The following NDST3 variants were observed in gnomAD, a reference collection of about 807,000 sequenced individuals.
NDST3 encodes the protein N-deacetylase and N-sulfotransferase 3.
NDST3 carries 58 observed loss-of-function variants against 96.1 expected under a neutral mutation model. That is an observed-to-expected ratio of 0.60 (90% confidence interval 0.49 to 0.75). NDST3 has a LOEUF of 0.75. Ranked by LOEUF, NDST3 falls within the 30% of genes least tolerant of loss-of-function variation. The pLI, the probability that NDST3 is intolerant of heterozygous loss-of-function variation, is 0.00. For synonymous variants in NDST3, 333 were observed against 359.7 expected, an observed-to-expected ratio of 0.93 and a Z score of 0.84; for missense variants, 788 against 1,034.2, an observed-to-expected ratio of 0.76 and a Z score of 3.27.
intron 2 of NDST3, among the ~76,000 whole-genome samples, chr4:118,095,595 T>A (rs572206540): frequency 1.3e-5 from 2 of 151,792 alleles, no homozygotes; most frequent in South Asian, 2.1e-4. Context: ...AATTCACTTA[T>A]GTAAAATTAA....
intron 2 of NDST3, among the ~76,000 whole-genome samples, chr4:118,079,352 C>A (rs1727828201): frequency 6.6e-6 from 1 of 152,154 alleles, no homozygotes; most frequent in South Asian, 2.1e-4. Flanking sequence ...AAGGGGAATG[C>A]TGATTTAGAG....
intron 3 of NDST3, among the ~76,000 whole-genome samples, chr4:118,110,831 G>A (rs1443463170): frequency 6.6e-6 from 1 of 151,954 alleles, no homozygotes; most frequent in Non-Finnish European, 1.5e-5. Context: ...TCCAAAGAAA[G>A]AAAATCATTA....
intron 6 of NDST3, among the ~76,000 whole-genome samples, chr4:118,158,580 A>G (rs575121149): frequency 1.3e-5 from 2 of 152,378 alleles, no homozygotes; most frequent in African/African-American, 4.8e-5. Flanking sequence ...TTGAAAAAAG[A>G]AACATCAATA....
chr4:118,042,397 T>G (rs1001818253), intron 1 of NDST3, among the ~76,000 whole-genome samples: 13 of 152,158 alleles, frequency 8.5e-5, no homozygotes, highest in African/African-American at 2.9e-4. Context: ...AGCAGCCCCT[T>G]AGCTGGGACT....
At chr4:118,196,627 T>C (rs1346865202) in intron 6 of NDST3, among the ~76,000 whole-genome samples, 3 of 152,170 alleles carry the variant, frequency 2.0e-5, no homozygotes, top group Non-Finnish European at 2.9e-5. Context: ...TTCCAATTTT[T>C]TGGCATACAG....
chr4:118,188,795 C>T (rs1371342484), intron 6 of NDST3, among the ~76,000 whole-genome samples: 3 of 152,004 alleles, frequency 2.0e-5, no homozygotes, highest in African/African-American at 4.8e-5. Flanking sequence ...CTTTCATGAA[C>T]CTCCTTAAAA....
At chr4:118,196,779 T>TA (rs1420047205) in intron 6 of NDST3, among the ~76,000 whole-genome samples, 1 of 151,900 alleles carries the variant, frequency 6.6e-6, no homozygotes, top group Non-Finnish European at 1.5e-5. Flanking sequence ...TCTTTATCTT[T>TA]AAAAAAACTT....
intron 9 of NDST3, among the ~76,000 whole-genome samples, chr4:118,234,545 C>T (rs954087874): frequency 2.0e-5 from 3 of 151,888 alleles, no homozygotes; most frequent in African/African-American, 4.8e-5. Context: ...ATAAAAACTG[C>T]TTTGGAGGTG....
chr4:118,050,732 A>G lies in NDST3; in HGVS notation c.-155-3024A>G, dbSNP rs1432423377. Reference sequence around the variant, plus strand: ...GATGAAATAAATCAAAGACAATACAAATAAATGAAAATACTTTTCATGCTC... The same window carrying G: ...GATGAAATAAATCAAAGACAATACAGATAAATGAAAATACTTTTCATGCTC... On this transcript the variant is annotated intron_variant, in intron 1 of 13. Coordinates refer to ENST00000296499, the MANE Select transcript of NDST3 (RefSeq NM_004784.3). 2.6e-5 allele frequency among the ~76,000 whole-genome samples: 4 copies of G among 152,158 alleles called. No individual in the cohort carries two copies. In the East Asian group the frequency reaches 7.7e-4, roughly 29 times the overall value.
At chr4:118,211,856 G>A (rs532616124) in intron 6 of NDST3, among the ~76,000 whole-genome samples, 10 of 152,290 alleles carry the variant, frequency 6.6e-5, no homozygotes, top group African/African-American at 2.2e-4. Flanking sequence ...TAAAGTGAAC[G>A]ATGTGCCTGT....
Position 118,193,623 on chromosome 4 carries a change from C to T in NDST3, c.1540-30868C>T, listed in dbSNP as rs891699806. ...ACAGCCAGCTGGGCCTTGGCGGCTT[C>T]GTTGTTGGGGTAGAGCTGCAAGACC... On this transcript the variant is annotated intron_variant, in intron 6 of 13. Transcript: ENST00000296499. 10 of 1,273,438 alleles carry T rather than the reference C, an allele frequency of 7.9e-6. No individual in the cohort carries two copies. In the Admixed American group the frequency reaches 1.4e-4, roughly 17 times the overall value. 78.9% of individuals were successfully genotyped at this position (1,273,438 alleles called of 1,614,324 possible).
chr4:118,096,016 T>G (rs1729269981), intron 2 of NDST3, among the ~76,000 whole-genome samples: 1 of 151,986 alleles, frequency 6.6e-6, no homozygotes, highest in African/African-American at 2.4e-5. Flanking sequence ...CTATCGTGAA[T>G]AGTACAACCA....
chr4:118,211,897 C>T (rs1400540890), intron 6 of NDST3, among the ~76,000 whole-genome samples: 1 of 152,174 alleles, frequency 6.6e-6, no homozygotes, highest in Non-Finnish European at 1.5e-5. Context: ...AACTCCTTCT[C>T]TTCCCTCAGG....
intron 1 of NDST3, among the ~76,000 whole-genome samples, chr4:118,040,992 C>A (rs1724432057): frequency 6.6e-6 from 1 of 151,114 alleles, no homozygotes; most frequent in Non-Finnish European, 1.5e-5. Context: ...AAGTGATCTG[C>A]CCACCTCAGC....
intron 4 of NDST3, among the ~76,000 whole-genome samples, chr4:118,126,535 CACATATATATATATATAT>C (rs1732098472): frequency 9.8e-5 from 1 of 10,206 alleles, no homozygotes; most frequent in African/African-American, 1.3e-4. Flanking sequence ...TATATATATA[CACATATATATATATATAT>C]ACACCTCATA....
chr4:118,233,517 T>A (rs2126000866), intron 9 of NDST3, among the ~76,000 whole-genome samples: 1 of 152,278 alleles, frequency 6.6e-6, no homozygotes, highest in Admixed American at 6.5e-5. Context: ...AGCCAACATA[T>A]GTAATTTTCT....
intron 2 of NDST3, among the ~76,000 whole-genome samples, chr4:118,070,311 T>C (rs1726948098): frequency 6.6e-6 from 1 of 152,116 alleles, no homozygotes; most frequent in Non-Finnish European, 1.5e-5. Context: ...AACAGAACAC[T>C]GCTTCTGAGA....
At chr4:118,227,546 T>G (rs995694875) in intron 8 of NDST3, among the ~76,000 whole-genome samples, 5 of 152,100 alleles carry the variant, frequency 3.3e-5, no homozygotes, top group Admixed American at 3.3e-4. Flanking sequence ...AGAAATCTTT[T>G]GCACCTTTTC....
chr4:118,242,252 T>C, intron 12 of NDST3, 103 bp downstream of exon 12: 1 of 669,080 alleles, frequency 1.5e-6, no homozygotes, highest in Non-Finnish European at 2.5e-6. Flanking sequence ...GTTCCTTATA[T>C]ACTGGTTATT....
Sources: allele counts gnomAD v4.1 joint callset (sites outside exome capture counted in the v4.1 genomes callset), GRCh38; gene constraint gnomAD v4.1.1; transcripts MANE v1.5; gene names NCBI Gene and HGNC (gene_info 2026-07-23, HGNC 2026-07-21).